RALYL: variants seen among roughly 807,000 people sequenced by gnomAD.
RALYL encodes the protein RALY RNA binding protein like.
In RALYL, 29 loss-of-function variants were observed where a neutral mutation model predicts 35.1. The ratio of observed to expected loss-of-function variants is 0.83; its 90% CI spans 0.61 to 1.13. The LOEUF (loss-of-function observed/expected upper bound fraction) is 1.13. Ranked by LOEUF, RALYL falls within the 50% of genes most tolerant of loss-of-function variation. The probability of loss-of-function intolerance (pLI) is 0.00; values close to 1 mark genes in which losing one functional copy is unlikely to be tolerated. For synonymous variants in RALYL, 120 were observed against 127.6 expected, an observed-to-expected ratio of 0.94 and a Z score of 0.40; for missense variants, 359 against 360.4, an observed-to-expected ratio of 1.00 and a Z score of 0.03.
chr8:84,609,328 G>A (rs1268276192), intron 2 of RALYL, among the ~76,000 whole-genome samples: 4 of 152,194 alleles, frequency 2.6e-5, no homozygotes, highest in Admixed American at 2.6e-4. Context: ...TTCCTTGTCT[G>A]TGAAGTAGGA....
Position 84,207,874 on chromosome 8 carries a change from A to G in RALYL, c.-24+23450A>G, listed in dbSNP as rs1202039027. Among the ~76,000 whole-genome samples, 4 of 151,742 alleles carry G rather than the reference A, an allele frequency of 2.6e-5. No individual in the cohort carries two copies. In the East Asian group the frequency reaches 7.7e-4, roughly 29 times the overall value. On this transcript the variant is annotated intron_variant, in intron 1 of 8. Coordinates refer to ENST00000521268, the MANE Select transcript of RALYL (RefSeq NM_173848.7). ...GCATTGTACACTATACATGTATACAATTTTTATGTGTCATACCTCGATTAG... is the reference window on the plus strand; with the variant it reads ...GCATTGTACACTATACATGTATACAGTTTTTATGTGTCATACCTCGATTAG...
chr8:84,617,080 T>C (rs1433364182), intron 2 of RALYL, among the ~76,000 whole-genome samples: 1 of 150,686 alleles, frequency 6.6e-6, no homozygotes, highest in Non-Finnish European at 1.5e-5. Flanking sequence ...TGCAGGCTCT[T>C]TTTTGGTTCC....
At chr8:84,735,728 T>G (rs1469663665) in intron 2 of RALYL, among the ~76,000 whole-genome samples, 1 of 151,898 alleles carries the variant, frequency 6.6e-6, no homozygotes, top group Non-Finnish European at 1.5e-5. Context: ...GTGGTTGAAC[T>G]TGAATCAACC....
chr8:84,629,086 A>G (rs1823376897), intron 2 of RALYL, among the ~76,000 whole-genome samples: 1 of 152,036 alleles, frequency 6.6e-6, no homozygotes. Context: ...GCTACAGAAA[A>G]TCTAGGCTGT....
At chr8:84,641,464 CTG>C (rs1826310023) in intron 2 of RALYL, among the ~76,000 whole-genome samples, 1 of 151,620 alleles carries the variant, frequency 6.6e-6, no homozygotes, top group Admixed American at 6.6e-5. Flanking sequence ...TTGGGAATGA[CTG>C]AGACATCCAA....
intron 1 of RALYL, among the ~76,000 whole-genome samples, chr8:84,302,416 T>G (rs1840983238): frequency 6.6e-6 from 1 of 152,216 alleles, no homozygotes; most frequent in South Asian, 2.1e-4. Context: ...CCCTCTTTTC[T>G]CTAAGCTGTA....
chr8:84,192,331 G>A (rs1196007516), intron 1 of RALYL, among the ~76,000 whole-genome samples: 1 of 152,192 alleles, frequency 6.6e-6, no homozygotes, highest in Non-Finnish European at 1.5e-5. Context: ...TAAAATGTCA[G>A]TGCCACTGTG....
At chr8:84,356,703 C>T (rs1455561198) in intron 1 of RALYL, among the ~76,000 whole-genome samples, 1 of 150,308 alleles carries the variant, frequency 6.7e-6, no homozygotes, top group Admixed American at 6.6e-5. Flanking sequence ...TTGTTCTCAA[C>T]TCTATTAGAC....
chr8:84,343,080 A>G (rs924204790), intron 1 of RALYL, among the ~76,000 whole-genome samples: 1 of 152,108 alleles, frequency 6.6e-6, no homozygotes, highest in Admixed American at 6.6e-5. Flanking sequence ...TCTTGCTATT[A>G]AAGAATAATT....
chr8:84,265,715 C>A (rs1833168779), intron 1 of RALYL, among the ~76,000 whole-genome samples: 1 of 149,930 alleles, frequency 6.7e-6, no homozygotes, highest in Non-Finnish European at 1.5e-5. Context: ...TTTGCAATAG[C>A]AGCATATACC....
intron 1 of RALYL, among the ~76,000 whole-genome samples, chr8:84,468,358 G>C (rs965530804): frequency 6.6e-6 from 1 of 151,714 alleles, no homozygotes; most frequent in East Asian, 1.9e-4. Flanking sequence ...AAATCTCTCA[G>C]CATTTGCTTG....
chr8:84,908,505 T>C (rs1389660283), intron 8 of RALYL, among the ~76,000 whole-genome samples: 1 of 152,170 alleles, frequency 6.6e-6, no homozygotes, highest in African/African-American at 2.4e-5. Context: ...TCCAGGCTTA[T>C]CCATGGTGTT....
chr8:84,653,182 GATTA>G (rs1829211591), intron 2 of RALYL, among the ~76,000 whole-genome samples: 1 of 151,972 alleles, frequency 6.6e-6, no homozygotes, highest in African/African-American at 2.4e-5. Context: ...GGGTAAGATT[GATTA>G]ATAAAACTAC....
intron 2 of RALYL, among the ~76,000 whole-genome samples, chr8:84,649,170 T>C (rs943598534): frequency 2.6e-5 from 4 of 152,128 alleles, no homozygotes; most frequent in Non-Finnish European, 5.9e-5. Flanking sequence ...CTTCAGGTTA[T>C]AGACCATGTT....
At chr8:84,517,453 G>T (rs2058149944) in intron 1 of RALYL, among the ~76,000 whole-genome samples, 1 of 152,100 alleles carries the variant, frequency 6.6e-6, no homozygotes, top group African/African-American at 2.4e-5. Flanking sequence ...ACACTCTCCA[G>T]CAATGTTGAT....
chr8:84,604,126 T>A (rs1816597682), intron 2 of RALYL, among the ~76,000 whole-genome samples: 1 of 152,108 alleles, frequency 6.6e-6, no homozygotes, highest in African/African-American at 2.4e-5. Context: ...TTTTCTCCTT[T>A]TATAAAATTG....
intron 1 of RALYL, among the ~76,000 whole-genome samples, chr8:84,209,802 C>T (rs1819011951): frequency 6.6e-6 from 1 of 152,170 alleles, no homozygotes; most frequent in Admixed American, 6.5e-5. Flanking sequence ...AGTGTTCTAA[C>T]ACCTCTTCAT....
At chr8:84,286,102 A>G (rs1837543233) in intron 1 of RALYL, among the ~76,000 whole-genome samples, 1 of 152,064 alleles carries the variant, frequency 6.6e-6, no homozygotes, top group African/African-American at 2.4e-5. Context: ...CTGATGATTG[A>G]GTTTATGGTA....
intron 2 of RALYL, among the ~76,000 whole-genome samples, chr8:84,555,706 C>T (rs1757935409): frequency 6.6e-6 from 1 of 152,100 alleles, no homozygotes; most frequent in East Asian, 1.9e-4. Flanking sequence ...AATTTTGCCA[C>T]TTAACATATG....
Sources: gnomAD v4.1 joint callset for allele counts (sites outside exome capture counted in the v4.1 genomes callset) on GRCh38, gnomAD v4.1.1 for gene constraint, MANE v1.5 for transcripts, NCBI Gene and HGNC (gene_info 2026-07-23, HGNC 2026-07-21) for gene names.